ADAMTS13: variants seen among roughly 807,000 people sequenced by gnomAD.
ADAMTS13 encodes the protein ADAM metallopeptidase with thrombospondin type 1 motif 13.
A neutral mutation model predicts 155.1 loss-of-function variants in ADAMTS13; 110 were observed. The observed-to-expected ratio is 0.71, with a 90% confidence interval of 0.61 to 0.83. The LOEUF is 0.83. Among genes scored for constraint, ADAMTS13 ranks in the 40% least tolerant of loss-of-function variants. The pLI is 0.00. For missense variants in ADAMTS13, 1,707 were observed against 1,891.7 expected (o/e 0.90, Z 1.81); for synonymous variants, 758 against 756.4 (o/e 1.00, Z -0.03).
At position 133,439,369 on chromosome 9, in the gene ADAMTS13, A is replaced by G; in HGVS notation, c.1709A>G (p.Tyr570Cys). 6.2e-7 allele frequency: 1 copy of G among 1,609,496 alleles called. No individual in the cohort carries two copies. Among genetic ancestry groups the G allele is most frequent in the African/African-American group, 1.3e-5 (1 of 74,964 alleles). Reference sequence around the variant, plus strand: ...CTCCTTCTTTTCTTCTTTCTAGAATATGTCACGTTTCTGACAGTTACCCCC... The same window carrying G: ...CTCCTTCTTTTCTTCTTTCTAGAATGTGTCACGTTTCTGACAGTTACCCCC... ...GSFTAGRAREYVTFLTVTPNL... is the reference protein window; with the variant it reads ...GSFTAGRARECVTFLTVTPNL... Residue 570 changes from tyrosine (Y) to cysteine (C), a missense_variant, in exon 15 of 29, where the codon TAT becomes TGT. Transcript: ENST00000355699.
chr9:133,454,355 G>T, intron 23 of ADAMTS13, 60 bp from the exon 24 acceptor site: 1 of 1,590,488 alleles, frequency 6.3e-7, no homozygotes. Context: ...AGGGGCCTGC[G>T]TGGGGCAGTA....
chr9:133,437,046 C>T, intron 12 of ADAMTS13, 91 bp downstream of exon 12: 1 of 1,479,754 alleles, frequency 6.8e-7, no homozygotes, highest in South Asian at 1.3e-5. Flanking sequence ...CCTACTATCC[C>T]TCCAGCACTG....
At chr9:133,454,661 G>T in intron 24 of ADAMTS13, 42 bp downstream of exon 24, 1 of 1,554,192 alleles carries the variant, frequency 6.4e-7, no homozygotes, top group East Asian at 2.4e-5. Context: ...GGGCTGGGGT[G>T]GGCATCAGCT....
chr9:133,445,000 T>C lies in ADAMTS13; in HGVS notation c.2558T>C (p.Leu853Pro), dbSNP rs1841960345. ...GGGCCTGGCTCCGTAGATGAGAAGC[T>C]GCCTGCCCCTGAGCCCTGTGTCGGG... ...TEGPGSVDEK[L>P]PAPEPCVGMS... Residue 853 changes from leucine (L) to proline (P), a missense_variant, in exon 20 of 29, where the codon CTG becomes CCG. By Grantham distance (98) the Leu-to-Pro change is moderately conservative. Transcript: ENST00000355699. The C allele has an allele frequency of 6.2e-7, 1 of 1,613,480 alleles. No homozygotes were observed. Among genetic ancestry groups the C allele is most frequent in the Non-Finnish European group, 8.5e-7 (1 of 1,180,010 alleles).
In ADAMTS13 at chr9:133,442,703, GC is replaced by G; in HGVS notation, c.2195del (p.Ala732GlyfsTer46). 6.2e-7 allele frequency: 1 copy of G among 1,613,108 alleles called. No homozygotes were observed. The highest frequency in any genetic ancestry group is 1.1e-5 in the South Asian group (1 of 91,088). ...GTGCCAAGGGAGCCAGCAGCCACCA[GC>G]GTGGCCAGAGGCCTGCGTGCTCGAA... ...VQCQGSQQPPAWPEACVLEPC... is the reference protein window; with the variant it reads ...VQCQGSQQPPXWPEACVLEPC... On this transcript the variant is annotated frameshift_variant, in exon 18 of 29. Coordinates refer to ENST00000355699, the MANE Select transcript of ADAMTS13 (RefSeq NM_139027.6). LOFTEE classifies it high-confidence loss of function.
chr9:133,432,661 T>C lies in ADAMTS13; in HGVS notation c.1061T>C (p.Leu354Pro). 1.3e-6 allele frequency: 2 copies of C among 1,559,912 alleles called. No homozygotes were observed. Among genetic ancestry groups the C allele is most frequent in the East Asian group, 2.4e-5 (1 of 42,282 alleles). Residue 354 changes from leucine to proline, a missense_variant, in exon 9 of 29, where the codon CTC becomes CCC. Around this residue, in one of 3 missense-constraint regions of ADAMTS13, gnomAD observed 733 missense variants for 749.6 expected, o/e 0.98. Coordinates refer to ENST00000355699, the MANE Select transcript of ADAMTS13 (RefSeq NM_139027.6). ...AGCTGCAGCCGCCTCCTCGTTCCTC[T>C]CCTGGATGGGACAGAATGTGGCGTG... ...QSSCSRLLVP[L>P]LDGTECGVEK...
At position 133,428,620 on chromosome 9, in the gene ADAMTS13, C is replaced by G. The variant is rs937889213; in HGVS notation, c.687-14C>G. 3.9e-6 allele frequency: 5 copies of G among 1,295,946 alleles called. No homozygotes were observed. In the African/African-American group the frequency reaches 7.8e-5, roughly 20 times the overall value. The allele number at this position is 1,295,946 out of a possible 1,614,324, so 80.3% of individuals were successfully genotyped here. On this transcript the variant is annotated splice_polypyrimidine_tract_variant and intron_variant, in intron 6 of 28. Coordinates refer to ENST00000355699, the MANE Select transcript of ADAMTS13 (RefSeq NM_139027.6). The stretch of plus-strand genomic sequence containing the variant: ...TGCCGGCCGCCTTAGCGCAACTCCC[C>G]GCCCCCCGACCAGCTTCGGCCTGGA...
chr9:133,430,161 A>G, intron 8 of ADAMTS13, 60 bp downstream of exon 8: 13 of 1,538,282 alleles, frequency 8.5e-6, no homozygotes, highest in Non-Finnish European at 9.6e-6. Flanking sequence ...CACCCAGCTC[A>G]CGTCCCCCAA....
At chr9:133,429,171 A>C (rs867233979) in intron 7 of ADAMTS13, among the ~76,000 whole-genome samples, 316 of 10,302 alleles carry the variant, frequency 0.031, no homozygotes, top group East Asian at 0.038. Context: ...CCCTGCACCC[A>C]CCCCCCCGTC....
rs782382551 is a variant in ADAMTS13 at position 133,455,272 on chromosome 9, C to T, written c.3250-13C>T. The T allele has an allele frequency of 1.1e-5, 18 of 1,600,598 alleles. No homozygotes were observed. The highest frequency in any genetic ancestry group is 1.4e-5 in the Non-Finnish European group (17 of 1,179,910). ...CAGGGTCAGCTGTGACTCCTCCTCC[C>T]CTCTCTTGGCAGTGCTCTGTTTCCT... On this transcript the variant is annotated splice_polypyrimidine_tract_variant and intron_variant, in intron 24 of 28. Transcript: ENST00000355699.
chr9:133,454,542 C>T lies in ADAMTS13; in HGVS notation c.3172C>T (p.Leu1058=). ...VEVDEAACAA[L]VRPEASVPCL... ...GGTGGACGAGGCGGCCTGTGCGGCG[C>T]TGGTGCGGCCCGAGGCCAGTGTCCC... is the stretch of plus-strand genomic sequence containing the variant. Residue 1058 remains leucine (L), a synonymous_variant, in exon 24 of 29, where the codon CTG becomes TTG. Transcript: ENST00000355699. 1 of 1,609,562 alleles carries T rather than the reference C, an allele frequency of 6.2e-7. No individual in the cohort carries two copies. The highest frequency in any genetic ancestry group is 8.5e-7 in the Non-Finnish European group (1 of 1,179,924).
At chr9:133,428,915 A>G in intron 7 of ADAMTS13, 144 bp downstream of exon 7, 1 of 827,160 alleles carries the variant, frequency 1.2e-6, no homozygotes, top group South Asian at 6.5e-5. Context: ...CCCTCCGTCC[A>G]ACCCCGCGCC....
intron 11 of ADAMTS13, among the ~76,000 whole-genome samples, 153 bp from the exon 12 acceptor site, chr9:133,436,676 C>T (rs587757274): frequency 3.3e-5 from 5 of 152,218 alleles, no homozygotes; most frequent in African/African-American, 1.2e-4. Flanking sequence ...CTTTTGTCAC[C>T]CCAGTTTACA....
chr9:133,449,656 A>T, intron 22 of ADAMTS13, 127 bp from the exon 23 acceptor site: 1 of 1,090,002 alleles, frequency 9.2e-7, no homozygotes, highest in Non-Finnish European at 1.4e-6. Flanking sequence ...CTCCAGAAAG[A>T]GAACCTCTCC....
At chr9:133,418,270 G>A (rs1380289489), upstream of ADAMTS13, among the ~76,000 whole-genome samples, 2 of 152,218 alleles carry the variant, frequency 1.3e-5, no homozygotes, top group Non-Finnish European at 1.5e-5. Context: ...TGTAGCACCT[G>A]GTAGGGCAGC....
intron 19 of ADAMTS13, among the ~76,000 whole-genome samples, 180 bp downstream of exon 19, chr9:133,443,741 C>T (rs1470214215): frequency 6.6e-6 from 1 of 152,168 alleles, no homozygotes; most frequent in Admixed American, 6.5e-5. Context: ...TTCCTTACTA[C>T]CCAGGAGAGC....
At position 133,423,131 on chromosome 9, in the gene ADAMTS13, G is replaced by T. The variant is rs201522226; in HGVS notation, c.136G>T (p.Val46Leu). ...TCTTCAGGCTTTGGAGCCACAGGCCGTGTCTTCTTACTTGAGCCCTGGTGC... is the reference window on the plus strand; with the variant it reads ...TCTTCAGGCTTTGGAGCCACAGGCCTTGTCTTCTTACTTGAGCCCTGGTGC... ...SCLQALEPQA[V>L]SSYLSPGAPL... Residue 46 changes from valine (V) to leucine (L), a missense_variant, in exon 2 of 29, where the codon GTG (valine) becomes TTG (leucine). This residue lies in a region of ADAMTS13 where 733 missense variants were observed against 749.6 expected (regional missense o/e 0.98). Transcript: ENST00000355699. 31 of 1,613,594 alleles carry T rather than the reference G, an allele frequency of 1.9e-5. No individual in the cohort carries two copies. Among genetic ancestry groups the T allele is most frequent in the African/African-American group, 8.0e-5 (6 of 74,822 alleles).
intron 23 of ADAMTS13, among the ~76,000 whole-genome samples, chr9:133,452,931 C>T (rs1044954025): frequency 6.6e-6 from 1 of 152,172 alleles, no homozygotes; most frequent in Non-Finnish European, 1.5e-5. Context: ...TGGATATCCT[C>T]GAGGCCCTGG....
chr9:133,455,890 G>C, intron 25 of ADAMTS13, 179 bp from the exon 26 acceptor site: 1 of 846,062 alleles, frequency 1.2e-6, no homozygotes, highest in Admixed American at 2.1e-5. Flanking sequence ...CCTGTGCCCT[G>C]AGGGTGATGC....
Sources: gnomAD v4.1 joint callset for allele counts (sites outside exome capture counted in the v4.1 genomes callset) on GRCh38, gnomAD v4.1.1 for gene constraint, gnomAD v4.1.1 regional missense constraint, MANE v1.5 for transcripts, NCBI Gene and HGNC (gene_info 2026-07-23, HGNC 2026-07-21) for gene names.